Variants in DLG2 observed in about 807,000 individuals in gnomAD.
DLG2 encodes disks large homolog 2.
DLG2 carries 45 observed loss-of-function variants against 132.5 expected under a neutral mutation model. The observed-to-expected ratio is 0.34, with a 90% CI of 0.27 to 0.44. DLG2 has a LOEUF of 0.44. DLG2 is among the 20% of genes least tolerant of loss of function. The pLI is 1.00. For synonymous variants in DLG2, 424 were observed against 419.6 expected, an observed-to-expected ratio of 1.01 and a Z score of -0.13; for missense variants, 1,045 against 1,196.9, an observed-to-expected ratio of 0.87 and a Z score of 1.87.
At chr11:83,772,695 A>G (rs1269140299) in intron 18 of DLG2, among the ~76,000 whole-genome samples, 1 of 152,224 alleles carries the variant, frequency 6.6e-6, no homozygotes, top group Non-Finnish European at 1.5e-5. Flanking sequence ...AGCAGGTGTC[A>G]GTGGTAAGCC....
chr11:84,600,163 A>AGAAG (rs1555082791), intron 6 of DLG2, among the ~76,000 whole-genome samples: 6,942 of 86,638 alleles, frequency 0.08, 197 homozygotes, highest in Non-Finnish European at 0.089. Context: ...AAAGAAGGAA[A>AGAAG]GAAAGAAAGA....
chr11:83,769,528 G>T (rs928828856), intron 18 of DLG2, among the ~76,000 whole-genome samples: 1 of 151,524 alleles, frequency 6.6e-6, no homozygotes, highest in Non-Finnish European at 1.5e-5. Flanking sequence ...TATGGTTAGG[G>T]AAGGCTTCCT....
At chr11:83,874,514 A>G (rs758116543) in intron 15 of DLG2, 26 bp from the exon 16 acceptor site, 1 of 1,547,342 alleles carries the variant, frequency 6.5e-7, no homozygotes, top group East Asian at 2.3e-5. Flanking sequence ...GAAGAAACAC[A>G]CATCATTTAT....
chr11:84,460,092 A>G (rs2099076271), intron 7 of DLG2, among the ~76,000 whole-genome samples: 1 of 150,574 alleles, frequency 6.6e-6, no homozygotes, highest in African/African-American at 2.4e-5. Flanking sequence ...AATTTTATCA[A>G]ATAGGATTAA....
intron 3 of DLG2, among the ~76,000 whole-genome samples, chr11:85,302,045 A>G (rs1204665207): frequency 3.3e-5 from 5 of 152,214 alleles, no homozygotes; most frequent in African/African-American, 1.2e-4. Context: ...ACATGAGGTC[A>G]GACTGTCATG....
intron 8 of DLG2, among the ~76,000 whole-genome samples, chr11:84,230,660 G>A (rs2097079353): frequency 6.6e-6 from 1 of 152,084 alleles, no homozygotes; most frequent in Admixed American, 6.6e-5. Context: ...AACTCCATAT[G>A]GAAAGCGGAT....
At chr11:85,356,150 T>G (rs1379409415) in intron 3 of DLG2, among the ~76,000 whole-genome samples, 1 of 152,202 alleles carries the variant, frequency 6.6e-6, no homozygotes, top group Non-Finnish European at 1.5e-5. Flanking sequence ...AGCCACAGAC[T>G]CTCCATTTGT....
intron 7 of DLG2, among the ~76,000 whole-genome samples, chr11:84,275,489 G>T (rs1322921806): frequency 1.3e-5 from 2 of 152,128 alleles, no homozygotes; most frequent in African/African-American, 4.8e-5. Flanking sequence ...TGAGTAGCTG[G>T]GACTACAGGC....
intron 3 of DLG2, among the ~76,000 whole-genome samples, chr11:85,322,277 C>A (rs1468486432): frequency 3.3e-5 from 5 of 152,072 alleles, no homozygotes; most frequent in South Asian, 2.1e-4. Flanking sequence ...GCTTATATTC[C>A]TTGGTCCATC....
intron 18 of DLG2, among the ~76,000 whole-genome samples, chr11:83,753,835 GATATATATCATATATATCATATATATA>G (rs770943313): frequency 0.3 from 5,515 of 18,340 alleles, 257 homozygotes; most frequent in Middle Eastern, 0.52. Flanking sequence ...ATATATATAT[GATATATATCATATATATCATATATATA>G]TTTCATATAT....
At chr11:83,846,466 C>T (rs901303641) in intron 16 of DLG2, among the ~76,000 whole-genome samples, 2 of 152,134 alleles carry the variant, frequency 1.3e-5, no homozygotes, top group African/African-American at 4.8e-5. Context: ...GTTTCTACAG[C>T]CCCCCAAGTT....
At chr11:84,650,869 GTGTGTATA>G (rs1355479001) in intron 6 of DLG2, among the ~76,000 whole-genome samples, 3 of 121,664 alleles carry the variant, frequency 2.5e-5, no homozygotes, top group African/African-American at 1.2e-4. Flanking sequence ...GTGTGTGTGT[GTGTGTATA>G]TATATATATA....
chr11:83,601,742 C>G (rs992061253), intron 19 of DLG2, among the ~76,000 whole-genome samples: 7 of 151,528 alleles, frequency 4.6e-5, no homozygotes, highest in Non-Finnish European at 8.8e-5. Flanking sequence ...GGGCTGATCT[C>G]GAACTCCTGG....
intron 15 of DLG2, among the ~76,000 whole-genome samples, chr11:83,894,572 T>C (rs1158417736): frequency 6.6e-6 from 1 of 152,234 alleles, no homozygotes; most frequent in Non-Finnish European, 1.5e-5. Context: ...TTTTAACACC[T>C]ATATACAATG....
chr11:84,769,785 A>G (rs546839475), intron 6 of DLG2, among the ~76,000 whole-genome samples: 2 of 152,228 alleles, frequency 1.3e-5, no homozygotes, highest in Non-Finnish European at 2.9e-5. Flanking sequence ...TGGATTTCTC[A>G]CCAGAAACCT....
At chr11:85,080,009 A>G (rs1397384012) in intron 6 of DLG2, among the ~76,000 whole-genome samples, 1 of 152,114 alleles carries the variant, frequency 6.6e-6, no homozygotes, top group Admixed American at 6.6e-5. Context: ...GAAAGGGGCC[A>G]TGTAAAAACC....
At chr11:84,993,386 T>C (rs1029735806) in intron 6 of DLG2, among the ~76,000 whole-genome samples, 7 of 152,146 alleles carry the variant, frequency 4.6e-5, no homozygotes, top group Non-Finnish European at 7.3e-5. Context: ...ATATTAAAGA[T>C]AGGTATAGTA....
intron 6 of DLG2, among the ~76,000 whole-genome samples, chr11:84,535,546 G>T (rs115217444): frequency 0.021 from 3,186 of 152,230 alleles, 125 homozygotes; most frequent in African/African-American, 0.074. Context: ...ATATAAGGAA[G>T]TTGGCAGAGA....
intron 7 of DLG2, among the ~76,000 whole-genome samples, chr11:84,311,396 C>T (rs1412871629): frequency 1.3e-5 from 2 of 152,152 alleles, no homozygotes; most frequent in African/African-American, 4.8e-5. Flanking sequence ...TATAACATTT[C>T]CCTGCAACAT....
Sources: allele counts gnomAD v4.1 joint callset (sites outside exome capture counted in the v4.1 genomes callset), GRCh38; gene constraint gnomAD v4.1.1; transcripts MANE v1.5; gene names NCBI Gene and HGNC (gene_info 2026-07-23, HGNC 2026-07-21).